The following NRXN1 variants were observed in gnomAD, a reference collection of about 807,000 sequenced individuals.
The protein encoded by NRXN1 is neurexin-1.
NRXN1 carries 39 observed loss-of-function variants against 150.9 expected under a neutral mutation model. That is an observed-to-expected ratio of 0.26 (90% CI 0.20 to 0.34). The LOEUF (loss-of-function observed/expected upper bound fraction) is 0.34, where lower values mean the gene tolerates loss of function less well. NRXN1 is among the 10% of genes least tolerant of loss of function. The probability of loss-of-function intolerance (pLI) is 1.00; values close to 1 mark genes in which losing one functional copy is unlikely to be tolerated. For synonymous variants in NRXN1, 924 were observed against 757.0 expected, an observed-to-expected ratio of 1.22 and a Z score of -3.62; for missense variants, 1,815 against 1,949.9, an observed-to-expected ratio of 0.93 and a Z score of 1.30.
chr2:50,840,886 G>T (rs551825308), intron 5 of NRXN1, among the ~76,000 whole-genome samples: 10 of 152,234 alleles, frequency 6.6e-5, no homozygotes, highest in Non-Finnish European at 2.9e-5. Flanking sequence ...CAGGTTGTCA[G>T]AAGAAGATGC....
At position 50,346,050 on chromosome 2, in the gene NRXN1, C is replaced by A. The variant is rs1423052293; in HGVS notation, c.3365-109080G>T. Reference sequence around the variant, plus strand: ...ATGGTGTCCAGAGGTCCCCTCCATGCCTGCGAAGGGCTGGCCCGCATTAAA... The same window carrying A: ...ATGGTGTCCAGAGGTCCCCTCCATGACTGCGAAGGGCTGGCCCGCATTAAA... On this transcript the variant is annotated intron_variant, in intron 17 of 22. Transcript: ENST00000401669. The surrounding 1 kb of genome is among the most constrained non-coding windows in gnomAD (Gnocchi z 5.0). 6.6e-6 allele frequency among the ~76,000 whole-genome samples: 1 copy of A among 152,222 alleles called. No homozygotes were observed. Among genetic ancestry groups the A allele is most frequent in the Admixed American group, 6.5e-5 (1 of 15,280 alleles).
At chr2:50,704,519 G>T (rs1182135525) in intron 5 of NRXN1, among the ~76,000 whole-genome samples, 2 of 151,264 alleles carry the variant, frequency 1.3e-5, no homozygotes, top group Non-Finnish European at 3.0e-5. Context: ...TCTGAAAATT[G>T]AATTGATAAA....
At chr2:50,197,349 A>G (rs892995750) in intron 18 of NRXN1, among the ~76,000 whole-genome samples, 7 of 152,112 alleles carry the variant, frequency 4.6e-5, no homozygotes, top group African/African-American at 1.7e-4. Flanking sequence ...TTGATCATGA[A>G]CATTTAAATT....
intron 17 of NRXN1, among the ~76,000 whole-genome samples, chr2:50,461,739 T>A (rs575316713): frequency 6.6e-6 from 1 of 152,098 alleles, no homozygotes; most frequent in African/African-American, 2.4e-5. Flanking sequence ...TTCCTACAAT[T>A]TCAGAAGAGG....
At chr2:50,538,693 T>G in intron 9 of NRXN1, 57 bp from the exon 10 acceptor site, 1 of 1,353,104 alleles carries the variant, frequency 7.4e-7, no homozygotes, top group Non-Finnish European at 9.7e-7. Context: ...GTGTTATAAT[T>G]ATCTTTCTCT....
intron 17 of NRXN1, among the ~76,000 whole-genome samples, chr2:50,272,181 G>T (rs1196108642): frequency 2.0e-5 from 3 of 152,142 alleles, no homozygotes; most frequent in Non-Finnish European, 4.4e-5. Context: ...ATGTGGCGGA[G>T]AAAACGTAGA....
At chr2:50,211,293 A>G (rs1429653516) in intron 18 of NRXN1, among the ~76,000 whole-genome samples, 1 of 151,742 alleles carries the variant, frequency 6.6e-6, no homozygotes, top group Non-Finnish European at 1.5e-5. Flanking sequence ...ACACATATAC[A>G]TATGTTATAT....
At chr2:50,889,859 C>T (rs533430039) in intron 5 of NRXN1, among the ~76,000 whole-genome samples, 1 of 151,780 alleles carries the variant, frequency 6.6e-6, no homozygotes, top group African/African-American at 2.4e-5. Context: ...AGCATTTAGA[C>T]TATCATACCA....
At chr2:50,151,105 G>A (rs917738815) in intron 18 of NRXN1, among the ~76,000 whole-genome samples, 2 of 151,734 alleles carry the variant, frequency 1.3e-5, no homozygotes, top group Admixed American at 6.6e-5. Flanking sequence ...GAAACCAAAT[G>A]AAGCTGACAA....
chr2:50,430,368 A>C (rs1260199179), intron 17 of NRXN1, among the ~76,000 whole-genome samples: 1 of 152,184 alleles, frequency 6.6e-6, no homozygotes, highest in East Asian at 1.9e-4. Flanking sequence ...GCAGTATACC[A>C]ACACTATCCA....
intron 2 of NRXN1, among the ~76,000 whole-genome samples, chr2:51,018,959 A>C (rs1314906214): frequency 1.3e-5 from 2 of 152,120 alleles, no homozygotes; most frequent in African/African-American, 4.8e-5. Flanking sequence ...TATGAAAACA[A>C]AGAGTGATGA....
In NRXN1 at chr2:49,989,932, G is replaced by A. The variant is rs57527110; in HGVS notation, c.4129-46141C>T. Reference sequence around the variant, plus strand: ...TGGTCTTAGTGTGACTGTGTTTCATGTTGGTACTCTATGAAGTTATTTCTC... The same window carrying A: ...TGGTCTTAGTGTGACTGTGTTTCATATTGGTACTCTATGAAGTTATTTCTC... On this transcript the variant is annotated intron_variant, in intron 21 of 22. Transcript: ENST00000401669. 6.4e-3 allele frequency among the ~76,000 whole-genome samples: 973 copies of A among 152,100 alleles called. 13 individuals are homozygous for A. Among genetic ancestry groups the A allele is most frequent in the African/African-American group, 0.022 (932 of 41,482 alleles).
chr2:50,829,240 C>T (rs1260843060), intron 5 of NRXN1, among the ~76,000 whole-genome samples: 3 of 148,286 alleles, frequency 2.0e-5, no homozygotes, highest in Non-Finnish European at 4.5e-5. Context: ...AGAGGGAGAC[C>T]GTGGGGAGAG....
intron 5 of NRXN1, among the ~76,000 whole-genome samples, chr2:50,771,305 C>G (rs1176028823): frequency 6.6e-6 from 1 of 152,040 alleles, no homozygotes; most frequent in South Asian, 2.1e-4. Flanking sequence ...AATCATAACA[C>G]TATTCAACTG....
intron 17 of NRXN1, among the ~76,000 whole-genome samples, chr2:50,264,387 A>G (rs1481216100): frequency 6.6e-6 from 1 of 152,096 alleles, no homozygotes; most frequent in Admixed American, 6.6e-5. Flanking sequence ...ATTCCTTCTA[A>G]AACAGAAAGC....
intron 17 of NRXN1, among the ~76,000 whole-genome samples, chr2:50,292,421 A>C (rs1254800174): frequency 1.3e-5 from 2 of 152,178 alleles, no homozygotes; most frequent in African/African-American, 2.4e-5. Flanking sequence ...AAGTACTATC[A>C]GTCATTTTCA....
At chr2:50,185,091 G>T (rs2060979171) in intron 18 of NRXN1, among the ~76,000 whole-genome samples, 1 of 152,048 alleles carries the variant, frequency 6.6e-6, no homozygotes, top group African/African-American at 2.4e-5. Context: ...AAAGCCTGTG[G>T]GAAAGTGATG....
intron 19 of NRXN1, among the ~76,000 whole-genome samples, chr2:50,062,887 T>C (rs1421590): frequency 0.87 from 132,062 of 152,128 alleles, 57,658 homozygotes; most frequent in African/African-American, 0.96. Context: ...CAAACATTTG[T>C]GCAGAATAAT....
chr2:50,859,838 T>TTGTGTGTGTGTGTGTG (rs58904379), intron 5 of NRXN1, among the ~76,000 whole-genome samples: 40 of 147,678 alleles, frequency 2.7e-4, no homozygotes, highest in African/African-American at 9.0e-4. Flanking sequence ...ACAATTATGT[T>TTGTGTGTGTGTGTGTG]TGTGTGTGTG....
Sources: gnomAD v4.1 joint callset for allele counts (sites outside exome capture counted in the v4.1 genomes callset) on GRCh38, gnomAD v4.1.1 for gene constraint, Gnocchi (gnomAD v3.1) non-coding constraint, MANE v1.5 for transcripts, NCBI Gene and HGNC (gene_info 2026-07-23, HGNC 2026-07-21) for gene names.